Variants in KIAA0408 observed in about 807,000 individuals in gnomAD.
The protein encoded by KIAA0408 is uncharacterized protein KIAA0408.
KIAA0408 carries 51 observed loss-of-function variants against 60.9 expected under a neutral mutation model. The observed-to-expected ratio is 0.84, with a 90% confidence interval of 0.67 to 1.06. The LOEUF (loss-of-function observed/expected upper bound fraction) is 1.06. KIAA0408 is among the 50% of genes least tolerant of loss of function. The pLI, the probability that KIAA0408 is intolerant of heterozygous loss-of-function variation, is 0.00. For missense variants in KIAA0408, 787 were observed against 833.9 expected (o/e 0.94, Z 0.69); for synonymous variants, 304 against 282.4 (o/e 1.08, Z -0.77).
rs1007969623 is a variant in KIAA0408, at chr6:127,450,508, T to C, written c.136-156A>G. ...CGGCCTCCAAATAGTGCCTCTAAAATATGGATTAGCTGGAACAAGTTTGAT... is the reference window on the plus strand; with the variant it reads ...CGGCCTCCAAATAGTGCCTCTAAAACATGGATTAGCTGGAACAAGTTTGAT... On this transcript the variant is annotated intron_variant, in intron 2 of 5. Transcript: ENST00000483725. 8.1e-6 allele frequency: 10 copies of C among 1,238,720 alleles called. No homozygotes were observed. The African/African-American group carries it at 1.5e-4, about 19-fold the overall frequency. 76.7% of individuals were successfully genotyped at this position (1,238,720 alleles called of 1,614,324 possible).
intron 2 of KIAA0408, chr6:127,451,410 G>A: frequency 2.4e-6 from 1 of 424,678 alleles, no homozygotes; most frequent in Non-Finnish European, 4.7e-6. Context: ...CTGCAGCCAT[G>A]AATTGATTGT....
At chr6:127,450,855 T>C (rs1308716926) in intron 2 of KIAA0408, 1 of 156,742 alleles carries the variant, frequency 6.4e-6, no homozygotes, top group African/African-American at 2.4e-5. Context: ...AGTCAAAAGA[T>C]GTTTCCTTTG....
rs762404334 is a variant in KIAA0408, at chr6:127,450,270, A to G, written c.218T>C (p.Ile73Thr). The G allele has an allele frequency of 3.1e-6, 5 of 1,613,730 alleles. No individual in the cohort carries two copies. In the Admixed American group the frequency reaches 8.3e-5, roughly 27 times the overall value. ...GGAAGATTCTATCACTTTCTCTGGA[A>G]TGGTCTTCTCATGGTAAAGATCAAT... The part of the protein sequence containing the change: ...KIIDLYHEKT[I>T]PEKVIESSPN... Residue 73 changes from isoleucine (I) to threonine (T), a missense_variant, in exon 3 of 6, where the codon ATT becomes ACT. This residue lies in a region of KIAA0408 where 640 missense variants were observed against 681.3 expected (regional missense o/e 0.94). Transcript: ENST00000483725.
rs1376521645 is a variant in KIAA0408 at position 127,447,658 on chromosome 6, A to C, written c.661T>G (p.Cys221Gly). ...HGDPMINNDQ[C>G]ILPISLEKEK... ...TTTTCTAAACTGATTGGAAGAATGC[A>C]CTGGTCATTGTTGATCATGGGGTCC... The change falls in exon 5 of 6, where the codon TGC becomes GGC. Residue 221 changes from cysteine (C) to glycine (G), a missense_variant. Physicochemically the swap from Cys to Gly is radical, Grantham distance 159 (BLOSUM62 -3). Around this residue, in one of 3 missense-constraint regions of KIAA0408, gnomAD observed 640 missense variants for 681.3 expected, o/e 0.94. Coordinates refer to ENST00000483725, the MANE Select transcript of KIAA0408 (RefSeq NM_014702.5). 4 of 1,608,508 alleles carry C rather than the reference A, an allele frequency of 2.5e-6. No individual in the cohort carries two copies. In the African/African-American group the frequency reaches 5.4e-5, roughly 22 times the overall value.
rs569047568 is a variant in KIAA0408, at chr6:127,448,271, T to G, written c.579-531A>C. On this transcript the variant is annotated intron_variant, in intron 4 of 5. Transcript: ENST00000483725. Reference sequence around the variant, plus strand: ...ATTTGGTCTTGAAAAAAAGTAAAAATTTTTTGGATGACTTGAGTAAAAGGC... The same window carrying G: ...ATTTGGTCTTGAAAAAAAGTAAAAAGTTTTTGGATGACTTGAGTAAAAGGC... Among the ~76,000 whole-genome samples, 5 of 152,192 alleles carry G rather than the reference T, an allele frequency of 3.3e-5. No homozygotes were observed. The South Asian group carries it at 8.3e-4, about 25-fold the overall frequency.
chr6:127,451,738 T>A (rs929412458), intron 2 of KIAA0408, among the ~76,000 whole-genome samples: 4 of 152,208 alleles, frequency 2.6e-5, no homozygotes, highest in African/African-American at 9.6e-5. Flanking sequence ...TGTCTTCAGC[T>A]CATCTTTCCA....
rs1436765762 is a variant in KIAA0408 at position 127,442,242 on chromosome 6, T to C, written c.*1867A>G. The C allele has an allele frequency of 6.6e-6, 1 of 152,240 alleles. No homozygotes were observed. Among genetic ancestry groups the C allele is most frequent in the East Asian group, 1.9e-4 (1 of 5,200 alleles). 9.4% of individuals were successfully genotyped at this position (152,240 alleles called of 1,614,324 possible). ...GGAACCACAGATCATACCAGACTAC[T>C]TGGGATACACTGGTGGAGAGGAACA... On this transcript the variant is annotated 3_prime_UTR_variant, in exon 6 of 6. Transcript: ENST00000483725.
intron 2 of KIAA0408, among the ~76,000 whole-genome samples, chr6:127,452,733 C>T (rs1773322613): frequency 6.6e-6 from 1 of 152,142 alleles, no homozygotes; most frequent in African/African-American, 2.4e-5. Context: ...TTTCTGATTG[C>T]GCTGGAGTTT....
At position 127,449,862 on chromosome 6, in the gene KIAA0408, T is replaced by C; in HGVS notation, c.538A>G (p.Ser180Gly). ...CGCTTTCGAATTTCCTCTTGAAAGC[T>C]GCATAATTCTTCACTCACCTTCGCA... Reference protein sequence around the residue: ...ELAKVSEELCSFQEEIRKRSN... With the variant: ...ELAKVSEELCGFQEEIRKRSN... The change falls in exon 4 of 6, where the codon AGC becomes GGC. Residue 180 changes from serine to glycine, a missense_variant. Physicochemically the swap from Ser to Gly is moderately conservative, Grantham distance 56. Coordinates refer to ENST00000483725, the MANE Select transcript of KIAA0408 (RefSeq NM_014702.5). The C allele has an allele frequency of 6.2e-7, 1 of 1,614,094 alleles. No individual in the cohort carries two copies. Among genetic ancestry groups the C allele is most frequent in the South Asian group, 1.1e-5 (1 of 91,086 alleles).
Position 127,446,590 on chromosome 6 carries a change from CAG to C in KIAA0408, c.1727_1728del (p.Ser576CysfsTer6). On this transcript the variant is annotated frameshift_variant, in exon 5 of 6. Coordinates refer to ENST00000483725, the MANE Select transcript of KIAA0408 (RefSeq NM_014702.5). LOFTEE classifies it high-confidence loss of function. ...LLKTYETATE[S>X]ALQNSKCFQD... ...TGGAAGCACTTAGAATTTTGCAATG[CAG>C]ACTCTGTTGCTGTCTCATAGGTTTT... The C allele has an allele frequency of 6.2e-7, 1 of 1,614,140 alleles. No individual in the cohort carries two copies. Among genetic ancestry groups the C allele is most frequent in the Non-Finnish European group, 8.5e-7 (1 of 1,180,020 alleles).
At chr6:127,451,209 C>T (rs1369750720) in intron 2 of KIAA0408, 1 of 426,566 alleles carries the variant, frequency 2.3e-6, no homozygotes, top group East Asian at 7.3e-5. Flanking sequence ...CTATGTTTAA[C>T]AGCCGCAATC....
At chr6:127,457,366 C>T (rs892484489) in intron 1 of KIAA0408, among the ~76,000 whole-genome samples, 3 of 152,136 alleles carry the variant, frequency 2.0e-5, no homozygotes, top group African/African-American at 7.2e-5. Context: ...CTTTTTGTTC[C>T]TAGTTGTCAC....
At position 127,446,849 on chromosome 6, in the gene KIAA0408, A is replaced by G. The variant is rs1347910745; in HGVS notation, c.1470T>C (p.Asp490=). ...THTGSISQSN[D]VSGIWKTNAH... ...CATTGGTTTTCCAAATACCGGACACATCGTTACTTTGTGATATGCTACCTG... is the reference window on the plus strand; with the variant it reads ...CATTGGTTTTCCAAATACCGGACACGTCGTTACTTTGTGATATGCTACCTG... The change falls in exon 5 of 6, where the codon GAT becomes GAC. Residue 490 remains aspartate, a synonymous_variant. Coordinates refer to ENST00000483725, the MANE Select transcript of KIAA0408 (RefSeq NM_014702.5). 2 of 1,613,992 alleles carry G rather than the reference A, an allele frequency of 1.2e-6. No homozygotes were observed. Among genetic ancestry groups the G allele is most frequent in the African/African-American group, 2.7e-5 (2 of 75,048 alleles).
At position 127,449,889 on chromosome 6, in the gene KIAA0408, GTTC is replaced by G. The variant is rs748514348; in HGVS notation, c.508_510del (p.Glu170del). 5.6e-6 allele frequency: 9 copies of G among 1,614,044 alleles called. No homozygotes were observed. The South Asian group carries it at 6.6e-5, about 12-fold the overall frequency. On this transcript the variant is annotated inframe_deletion, in exon 4 of 6. Coordinates refer to ENST00000483725, the MANE Select transcript of KIAA0408 (RefSeq NM_014702.5). ...CATAATTCTTCACTCACCTTCGCAAGTTCTTCAAGAGCCTTTACACATATAAGC... is the reference window on the plus strand; with the variant it reads ...CATAATTCTTCACTCACCTTCGCAAGTTCAAGAGCCTTTACACATATAAGC...
At chr6:127,452,237 C>A (rs1250577768) in intron 2 of KIAA0408, among the ~76,000 whole-genome samples, 1 of 152,128 alleles carries the variant, frequency 6.6e-6, no homozygotes, top group Non-Finnish European at 1.5e-5. Context: ...ATTTAACATA[C>A]AGAACTTTGT....
intron 2 of KIAA0408, chr6:127,450,591 C>T: frequency 2.4e-6 from 1 of 414,162 alleles, no homozygotes; most frequent in African/African-American, 2.1e-5. Flanking sequence ...TTTTGACTAG[C>T]AATCAATCAT....
At chr6:127,448,032 T>A (rs1773234909) in intron 4 of KIAA0408, among the ~76,000 whole-genome samples, 1 of 152,196 alleles carries the variant, frequency 6.6e-6, no homozygotes, top group African/African-American at 2.4e-5. Context: ...CAGATTAAAC[T>A]ATGTAGTCTC....
chr6:127,444,089 T>C lies in KIAA0408; in HGVS notation c.*20A>G, dbSNP rs749547519. On this transcript the variant is annotated 3_prime_UTR_variant, in exon 6 of 6. Coordinates refer to ENST00000483725, the MANE Select transcript of KIAA0408 (RefSeq NM_014702.5). ...AAGTGGGACTAGAACTTCTGTAATATAGCAATCCAGGCCAAAGACTTAAAC... is the reference window on the plus strand; with the variant it reads ...AAGTGGGACTAGAACTTCTGTAATACAGCAATCCAGGCCAAAGACTTAAAC... 8 of 1,612,062 alleles carry C rather than the reference T, an allele frequency of 5.0e-6. No homozygotes were observed. The highest frequency in any genetic ancestry group is 1.7e-5 in the Admixed American group (1 of 59,904).
In KIAA0408 at chr6:127,447,380, G is replaced by A; in HGVS notation, c.939C>T (p.Phe313=). 16 of 1,612,520 alleles carry A rather than the reference G, an allele frequency of 9.9e-6. No homozygotes were observed. Among genetic ancestry groups the A allele is most frequent in the Non-Finnish European group, 1.4e-5 (16 of 1,179,526 alleles). The part of the protein sequence containing the change: ...GRSKRNYNPH[F]PLRQQEMSML... ...TAGACATCTCTTGTTGTCTCAAAGG[G>A]AAGTGAGGGTTGTAATTCCTTTTAC... The change falls in exon 5 of 6, where the codon TTC becomes TTT. Residue 313 remains phenylalanine, a synonymous_variant. Coordinates refer to ENST00000483725, the MANE Select transcript of KIAA0408 (RefSeq NM_014702.5).
Sources: allele counts gnomAD v4.1 joint callset (sites outside exome capture counted in the v4.1 genomes callset), GRCh38; gene constraint gnomAD v4.1.1; regional missense constraint gnomAD v4.1.1; transcripts MANE v1.5; gene names NCBI Gene and HGNC (gene_info 2026-07-23, HGNC 2026-07-21).